SLCO6A1: variants seen among roughly 807,000 people sequenced by gnomAD.
SLCO6A1 encodes solute carrier organic anion transporter family member 6A1, also known as cancer/testis antigen 48.
SLCO6A1 carries 65 observed loss-of-function variants against 72.7 expected under a neutral mutation model. That is an observed-to-expected ratio of 0.89 (90% CI 0.73 to 1.10). The LOEUF is 1.10. Ranked by LOEUF, SLCO6A1 falls within the 50% of genes least tolerant of loss-of-function variation. The probability of loss-of-function intolerance (pLI) is 0.00; values close to 1 mark genes in which losing one functional copy is unlikely to be tolerated. For synonymous variants in SLCO6A1, 314 were observed against 298.2 expected, an observed-to-expected ratio of 1.05 and a Z score of -0.55; for missense variants, 874 against 872.6, an observed-to-expected ratio of 1.00 and a Z score of -0.02.
At chr5:102,491,606 T>A (rs2112862594) in intron 1 of SLCO6A1, among the ~76,000 whole-genome samples, 1 of 152,340 alleles carries the variant, frequency 6.6e-6, no homozygotes, top group South Asian at 2.1e-4. Flanking sequence ...AGCCCCTCAC[T>A]GCCTGGGGCC....
At chr5:102,385,683 T>C (rs914318410) in intron 12 of SLCO6A1, among the ~76,000 whole-genome samples, 1 of 152,124 alleles carries the variant, frequency 6.6e-6, no homozygotes, top group East Asian at 1.9e-4. Flanking sequence ...TATTGTATTC[T>C]CATTTTGTTT....
At chr5:102,475,634 A>G in intron 4 of SLCO6A1, 63 bp downstream of exon 4, 2 of 1,026,716 alleles carry the variant, frequency 1.9e-6, no homozygotes, top group African/African-American at 1.6e-5. Context: ...CTTGTAAGCT[A>G]TGGTAGCTAT....
At chr5:102,424,070 AC>A (rs1259317984) in intron 7 of SLCO6A1, among the ~76,000 whole-genome samples, 1 of 152,108 alleles carries the variant, frequency 6.6e-6, no homozygotes, top group Non-Finnish European at 1.5e-5. Flanking sequence ...GTTCTTTAAA[AC>A]CAATGAGAAC....
chr5:102,376,777 G>A (rs1561409143), intron 12 of SLCO6A1, among the ~76,000 whole-genome samples: 1 of 152,164 alleles, frequency 6.6e-6, no homozygotes, highest in Non-Finnish European at 1.5e-5. Flanking sequence ...GGTCATAAGA[G>A]ACGTTTCAAT....
chr5:102,437,345 G>A (rs79768224), intron 7 of SLCO6A1, among the ~76,000 whole-genome samples: 1 of 152,248 alleles, frequency 6.6e-6, no homozygotes, highest in East Asian at 1.9e-4. Flanking sequence ...GGTCAGTAGA[G>A]AAACTTAAGG....
At chr5:102,491,362 C>T (rs950001642) in intron 1 of SLCO6A1, among the ~76,000 whole-genome samples, 2 of 152,234 alleles carry the variant, frequency 1.3e-5, no homozygotes, top group Non-Finnish European at 2.9e-5. Context: ...GCAGGTGGAG[C>T]TGCCTGCCAG....
intron 3 of SLCO6A1, among the ~76,000 whole-genome samples, chr5:102,475,995 G>C (rs1751878708): frequency 6.6e-6 from 1 of 152,088 alleles, no homozygotes; most frequent in Admixed American, 6.6e-5. Context: ...TCAGAAGTGG[G>C]AACCAAGCTA....
intron 8 of SLCO6A1, among the ~76,000 whole-genome samples, chr5:102,418,888 T>C (rs1748436988): frequency 6.6e-6 from 1 of 152,164 alleles, no homozygotes; most frequent in Non-Finnish European, 1.5e-5. Flanking sequence ...ACAGCAAATT[T>C]CTTGAGTTAT....
chr5:102,481,913 A>T (rs1466146437), intron 1 of SLCO6A1, among the ~76,000 whole-genome samples: 1 of 152,198 alleles, frequency 6.6e-6, no homozygotes, highest in East Asian at 1.9e-4. Context: ...AGCCCTAACT[A>T]AATTTTTGAG....
intron 1 of SLCO6A1, among the ~76,000 whole-genome samples, chr5:102,490,413 T>A (rs559604571): frequency 1.1e-4 from 16 of 152,340 alleles, no homozygotes; most frequent in Admixed American, 3.9e-4. Flanking sequence ...CTATGATCAA[T>A]ATGCTAAAGA....
intron 8 of SLCO6A1, among the ~76,000 whole-genome samples, chr5:102,415,095 T>C (rs1186630322): frequency 1.3e-5 from 2 of 152,060 alleles, no homozygotes; most frequent in Non-Finnish European, 2.9e-5. Flanking sequence ...TCCATGATCA[T>C]GGATCAGAAG....
intron 1 of SLCO6A1, among the ~76,000 whole-genome samples, chr5:102,490,834 T>C (rs1421260661): frequency 6.6e-6 from 1 of 152,112 alleles, no homozygotes; most frequent in Non-Finnish European, 1.5e-5. Context: ...ATAAAGGCAG[T>C]GTGGACCCAA....
At chr5:102,469,579 GA>G (rs1751494944) in intron 4 of SLCO6A1, among the ~76,000 whole-genome samples, 2 of 151,982 alleles carry the variant, frequency 1.3e-5, no homozygotes, top group Non-Finnish European at 2.9e-5. Flanking sequence ...GGGGTTTTCT[GA>G]ACATACAATC....
chr5:102,444,400 A>G (rs1750000805), intron 6 of SLCO6A1, among the ~76,000 whole-genome samples: 1 of 152,200 alleles, frequency 6.6e-6, no homozygotes, highest in African/African-American at 2.4e-5. Context: ...ACCTTTCCCT[A>G]GAGACAAAAA....
At chr5:102,434,310 T>G (rs1749384797) in intron 7 of SLCO6A1, among the ~76,000 whole-genome samples, 1 of 152,106 alleles carries the variant, frequency 6.6e-6, no homozygotes, top group South Asian at 2.1e-4. Flanking sequence ...TCAAGTATAA[T>G]GCCTCCCTCT....
At chr5:102,391,222 A>C in intron 10 of SLCO6A1, 177 bp from the exon 11 acceptor site, 1 of 587,452 alleles carries the variant, frequency 1.7e-6, no homozygotes, top group Non-Finnish European at 3.0e-6. Context: ...CCATTTCTCC[A>C]TATCCTGCCC....
intron 6 of SLCO6A1, among the ~76,000 whole-genome samples, chr5:102,439,253 T>C (rs1032017190): frequency 6.6e-5 from 10 of 152,018 alleles, no homozygotes; most frequent in African/African-American, 7.2e-5. Context: ...AATCTACCTA[T>C]ACAAATAATT....
intron 12 of SLCO6A1, among the ~76,000 whole-genome samples, chr5:102,376,582 A>AGT (rs1318901362): frequency 2.0e-5 from 3 of 152,178 alleles, no homozygotes; most frequent in Non-Finnish European, 4.4e-5. Flanking sequence ...TGGATGTATT[A>AGT]ACCAACCTAC....
At chr5:102,488,699 ATGT>A (rs1752546256) in intron 1 of SLCO6A1, among the ~76,000 whole-genome samples, 1 of 152,232 alleles carries the variant, frequency 6.6e-6, no homozygotes, top group African/African-American at 2.4e-5. Context: ...TTAAGCAATA[ATGT>A]TGTTACTACA....
Sources: allele counts gnomAD v4.1 joint callset (sites outside exome capture counted in the v4.1 genomes callset), GRCh38; gene constraint gnomAD v4.1.1; transcripts MANE v1.5; gene names NCBI Gene and HGNC (gene_info 2026-07-23, HGNC 2026-07-21).